Variants in BACH1 observed in about 807,000 individuals in gnomAD.
BACH1 encodes BTB domain and CNC homolog 1, also known as transcription regulator protein BACH1.
Under a neutral mutation model 52.9 loss-of-function variants are expected in BACH1, and 35 were observed. That is an observed-to-expected ratio of 0.66 (90% CI 0.51 to 0.88). BACH1 has a LOEUF of 0.88. BACH1 is among the 40% of genes least tolerant of loss of function. The probability of loss-of-function intolerance (pLI) is 0.00; values close to 1 mark genes in which losing one functional copy is unlikely to be tolerated. For synonymous variants in BACH1, 321 were observed against 319.6 expected, an observed-to-expected ratio of 1.00 and a Z score of -0.05; for missense variants, 808 against 872.6, an observed-to-expected ratio of 0.93 and a Z score of 0.93.
At chr21:29,347,178 C>T (rs930134295), downstream of BACH1, among the ~76,000 whole-genome samples, 1 of 152,188 alleles carries the variant, frequency 6.6e-6, no homozygotes, top group South Asian at 2.1e-4. Context: ...AAGTCCATAT[C>T]GCTGATGGAA....
At chr21:29,341,075 A>G (rs2089107110) in intron 4 of BACH1, among the ~76,000 whole-genome samples, 1 of 152,204 alleles carries the variant, frequency 6.6e-6, no homozygotes, top group Admixed American at 6.5e-5. Flanking sequence ...ATTTTCTCAA[A>G]ATATTACAAG....
intron 1 of BACH1, among the ~76,000 whole-genome samples, chr21:29,317,649 G>A (rs1159381142): frequency 1.3e-5 from 2 of 152,186 alleles, no homozygotes; most frequent in African/African-American, 2.4e-5. Flanking sequence ...GAAGTGATAT[G>A]CCATTTATTT....
At chr21:29,299,890 C>T (rs2088583713) in intron 1 of BACH1, 1 of 152,128 alleles carries the variant, frequency 6.6e-6, no homozygotes, top group Non-Finnish European at 1.5e-5. Flanking sequence ...GGGGTAGGGA[C>T]TGTTACCCAT....
At chr21:29,325,902 A>G (rs1012870097) in intron 2 of BACH1, among the ~76,000 whole-genome samples, 157 bp from the exon 3 acceptor site, 2 of 152,142 alleles carry the variant, frequency 1.3e-5, no homozygotes, top group African/African-American at 2.4e-5. Flanking sequence ...TTTCTTTTAC[A>G]TTTCTTAGAA....
At chr21:29,299,120 C>CG (rs1424967290) in intron 1 of BACH1, among the ~76,000 whole-genome samples, 167 bp downstream of exon 1, 1 of 147,424 alleles carries the variant, frequency 6.8e-6, no homozygotes, top group East Asian at 2.1e-4. Flanking sequence ...TCGGGGCCCG[C>CG]GGGGGGCGCC....
chr21:29,343,758 A>G lies in BACH1; in HGVS notation c.*925A>G, dbSNP rs2089140768. The G allele has an allele frequency of 6.6e-6, 1 of 152,214 alleles. No individual in the cohort carries two copies. Among genetic ancestry groups the G allele is most frequent in the South Asian group, 2.1e-4 (1 of 4,828 alleles). 9.4% of individuals were successfully genotyped at this position (152,214 alleles called of 1,614,324 possible). The stretch of plus-strand genomic sequence containing the variant: ...GGTCACCAATGCCAGAAAACCAGAC[A>G]TCACGGGGAAAGAATGTTGCTTACT... On this transcript the variant is annotated 3_prime_UTR_variant, in exon 5 of 5. Transcript: ENST00000286800.
downstream of BACH1, among the ~76,000 whole-genome samples, chr21:29,349,921 A>T (rs1224821855): frequency 6.6e-6 from 1 of 152,142 alleles, no homozygotes; most frequent in Admixed American, 6.5e-5. Flanking sequence ...AAGGAATTGC[A>T]CTATGAGAGG....
At chr21:29,349,371 T>C (rs1159915585), downstream of BACH1, among the ~76,000 whole-genome samples, 1 of 152,196 alleles carries the variant, frequency 6.6e-6, no homozygotes, top group East Asian at 1.9e-4. Flanking sequence ...CTAAAAGGCC[T>C]GTGAAGTCTG....
chr21:29,359,512 G>A (rs2089258528), intron 2 of BACH1: 1 of 150,890 alleles, frequency 6.6e-6, no homozygotes, highest in Non-Finnish European at 1.5e-5. Flanking sequence ...CATGAATCTT[G>A]AGACAATAAC....
chr21:29,355,302 A>G (rs1416156025), intron 2 of BACH1, among the ~76,000 whole-genome samples: 1 of 151,542 alleles, frequency 6.6e-6, no homozygotes, highest in Non-Finnish European at 1.5e-5. Flanking sequence ...TTAGCTAGAC[A>G]CAGAGCGCTG....
chr21:29,329,430 G>T, intron 3 of BACH1, 57 bp from the exon 4 acceptor site: 1 of 1,354,674 alleles, frequency 7.4e-7, no homozygotes, highest in Non-Finnish European at 9.8e-7. Flanking sequence ...ATCTTCCTAG[G>T]TTTGACTATA....
intron 4 of BACH1, among the ~76,000 whole-genome samples, chr21:29,331,900 T>A (rs1438184176): frequency 6.6e-6 from 1 of 152,130 alleles, no homozygotes; most frequent in Non-Finnish European, 1.5e-5. Flanking sequence ...TTTATTTGGT[T>A]TATTTATTTA....
intron 2 of BACH1, among the ~76,000 whole-genome samples, chr21:29,325,514 T>A (rs1054686445): frequency 6.6e-6 from 1 of 152,250 alleles, no homozygotes; most frequent in African/African-American, 2.4e-5. Context: ...TTAAAACTTT[T>A]ACTGTTAGGA....
At chr21:29,303,762 A>G (rs1255450022) in intron 1 of BACH1, among the ~76,000 whole-genome samples, 1 of 152,268 alleles carries the variant, frequency 6.6e-6, no homozygotes, top group Non-Finnish European at 1.5e-5. Flanking sequence ...TACTTTGAAT[A>G]TCACTCCTCT....
At chr21:29,316,672 A>G (rs556449823) in intron 1 of BACH1, among the ~76,000 whole-genome samples, 9 of 152,354 alleles carry the variant, frequency 5.9e-5, no homozygotes, top group African/African-American at 2.2e-4. Context: ...GATGGTTTCC[A>G]GGATTAGGAG....
At chr21:29,327,951 C>T (rs558998551) in intron 3 of BACH1, among the ~76,000 whole-genome samples, 4 of 152,326 alleles carry the variant, frequency 2.6e-5, no homozygotes, top group South Asian at 2.1e-4. Context: ...GTTCACACAT[C>T]GGCCATTTAA....
At chr21:29,321,904 C>A (rs1167695597) in intron 2 of BACH1, among the ~76,000 whole-genome samples, 1 of 151,730 alleles carries the variant, frequency 6.6e-6, no homozygotes, top group African/African-American at 2.4e-5. Context: ...GTTCTCGTGG[C>A]GCTAATAAAG....
In BACH1 at chr21:29,329,679, G is replaced by A; in HGVS notation, c.1762G>A (p.Glu588Lys). The change falls in exon 4 of 5, where the codon GAA becomes AAA. Residue 588 changes from glutamate (E) to lysine (K), a missense_variant. Coordinates refer to ENST00000286800, the MANE Select transcript of BACH1 (RefSeq NM_001186.4). ...TGACTGTATACAGAATCTTGAATCA[G>A]AAATTGAGAAGCTGGTAAGTGTAAA... ...KLDCIQNLES[E>K]IEKLQSEKES... The A allele has an allele frequency of 6.6e-7, 1 of 1,523,988 alleles. No homozygotes were observed. The highest frequency in any genetic ancestry group is 8.8e-7 in the Non-Finnish European group (1 of 1,136,748). The allele number at this position is 1,523,988 out of a possible 1,614,324, so 94.4% of individuals were successfully genotyped here.
At chr21:29,357,299 G>A (rs898120354) in intron 2 of BACH1, among the ~76,000 whole-genome samples, 1 of 152,088 alleles carries the variant, frequency 6.6e-6, no homozygotes, top group Non-Finnish European at 1.5e-5. Flanking sequence ...AACTTCCGTC[G>A]GTATATAGGT....
Sources: gnomAD v4.1 joint callset for allele counts (sites outside exome capture counted in the v4.1 genomes callset) on GRCh38, gnomAD v4.1.1 for gene constraint, MANE v1.5 for transcripts, NCBI Gene and HGNC (gene_info 2026-07-23, HGNC 2026-07-21) for gene names.